CADM2: variants seen among roughly 807,000 people sequenced by gnomAD.
CADM2 encodes immunoglobulin superfamily member 4D.
Under a neutral mutation model 49.8 loss-of-function variants are expected in CADM2, and 12 were observed. The ratio of observed to expected loss-of-function variants is 0.24; its 90% CI spans 0.15 to 0.39. CADM2 has a LOEUF of 0.39. CADM2 is among the 10% of genes least tolerant of loss of function. The probability of loss-of-function intolerance (pLI) is 1.00; values close to 1 mark genes in which losing one functional copy is unlikely to be tolerated. For missense variants in CADM2, 378 were observed against 492.3 expected (o/e 0.77, Z 2.20); for synonymous variants, 214 against 175.4 (o/e 1.22, Z -1.74).
At chr3:86,056,883 T>C (rs988416615) in intron 8 of CADM2, among the ~76,000 whole-genome samples, 1 of 152,116 alleles carries the variant, frequency 6.6e-6, no homozygotes, top group African/African-American at 2.4e-5. Flanking sequence ...GAAAATAAAT[T>C]TGTGTTACAC....
chr3:85,723,269 A>T (rs1260720157), intron 1 of CADM2, among the ~76,000 whole-genome samples: 1 of 152,194 alleles, frequency 6.6e-6, no homozygotes, highest in African/African-American at 2.4e-5. Context: ...AAATGGTGTC[A>T]TATCTAAAAC....
chr3:85,207,352 T>A (rs1425887815), intron 1 of CADM2, among the ~76,000 whole-genome samples: 1 of 152,166 alleles, frequency 6.6e-6, no homozygotes, highest in Non-Finnish European at 1.5e-5. Flanking sequence ...ATTTTTATTT[T>A]TAGAGGTATT....
intron 1 of CADM2, among the ~76,000 whole-genome samples, chr3:85,034,209 G>A (rs9840607): frequency 0.63 from 96,030 of 151,932 alleles, 32,387 homozygotes; most frequent in African/African-American, 0.87. Flanking sequence ...GCTGTCAAAT[G>A]CTAGGTCTTA....
intron 2 of CADM2, chr3:85,800,222 A>C (rs1295471596): frequency 6.6e-6 from 1 of 152,218 alleles, no homozygotes; most frequent in African/African-American, 2.4e-5. Context: ...CAGTAATAGC[A>C]GACACCCCTC....
chr3:85,772,877 T>C (rs2070163126), intron 2 of CADM2, among the ~76,000 whole-genome samples: 1 of 139,518 alleles, frequency 7.2e-6, no homozygotes, highest in Non-Finnish European at 1.6e-5. Context: ...TCTGCTTTCA[T>C]TTCCAGTTTT....
intron 1 of CADM2, among the ~76,000 whole-genome samples, chr3:85,266,846 C>T (rs767220424): frequency 1.3e-5 from 2 of 151,794 alleles, no homozygotes; most frequent in Non-Finnish European, 1.5e-5. Context: ...CTTGACATTG[C>T]TAGTCAACTT....
chr3:85,389,134 T>C (rs2034394571), intron 1 of CADM2, among the ~76,000 whole-genome samples: 1 of 152,066 alleles, frequency 6.6e-6, no homozygotes, highest in African/African-American at 2.4e-5. Flanking sequence ...GTCACTTATG[T>C]GCATTTCTAT....
chr3:84,976,005 C>T (rs2107114666), intron 1 of CADM2, among the ~76,000 whole-genome samples: 1 of 151,864 alleles, frequency 6.6e-6, no homozygotes, highest in Middle Eastern at 3.4e-3. Context: ...GAAAGTTTTC[C>T]TAAGGAGAAT....
At chr3:85,651,963 G>A (rs376540979) in intron 1 of CADM2, among the ~76,000 whole-genome samples, 4 of 140,274 alleles carry the variant, frequency 2.9e-5, no homozygotes, top group South Asian at 4.7e-4. Context: ...GACTACAGGC[G>A]CCTGCCACCA....
At chr3:85,371,044 AT>A (rs1442399259) in intron 1 of CADM2, among the ~76,000 whole-genome samples, 13 of 152,206 alleles carry the variant, frequency 8.5e-5, no homozygotes, top group Admixed American at 6.5e-4. Context: ...GTGTTGTGTT[AT>A]AAGTAAAATG....
intron 1 of CADM2, among the ~76,000 whole-genome samples, chr3:85,449,579 T>G: frequency 6.6e-6 from 1 of 152,212 alleles, no homozygotes; most frequent in East Asian, 1.9e-4. Context: ...TTCTGAGTTT[T>G]ATTTCCTTCT....
intron 1 of CADM2, among the ~76,000 whole-genome samples, chr3:85,571,086 C>G (rs902987313): frequency 6.6e-6 from 1 of 152,182 alleles, no homozygotes; most frequent in African/African-American, 2.4e-5. Context: ...GAGTTCTCCT[C>G]TACTGCATCC....
intron 6 of CADM2, among the ~76,000 whole-genome samples, chr3:85,933,029 TTAAAC>T (rs1720791184): frequency 6.6e-6 from 1 of 152,168 alleles, no homozygotes; most frequent in Non-Finnish European, 1.5e-5. Context: ...CCTGTACTGC[TTAAAC>T]TAAACAGGCA....
intron 1 of CADM2, among the ~76,000 whole-genome samples, chr3:85,343,833 T>G (rs1232456223): frequency 6.6e-6 from 1 of 152,210 alleles, no homozygotes; most frequent in Admixed American, 6.5e-5. Flanking sequence ...TCTTGTTTGT[T>G]TTTACATCTA....
chr3:86,041,241 T>C (rs1050520180), intron 8 of CADM2, among the ~76,000 whole-genome samples: 5 of 152,148 alleles, frequency 3.3e-5, no homozygotes, highest in Admixed American at 6.5e-5. Flanking sequence ...ATATTAATCT[T>C]ACATGTAAAT....
At chr3:85,695,380 G>A (rs937281062) in intron 1 of CADM2, among the ~76,000 whole-genome samples, 1 of 151,844 alleles carries the variant, frequency 6.6e-6, no homozygotes. Flanking sequence ...ACCTTTGTAT[G>A]CCCTTGCTTA....
chr3:85,571,899 G>C (rs2062490545), intron 1 of CADM2, among the ~76,000 whole-genome samples: 1 of 152,142 alleles, frequency 6.6e-6, no homozygotes, highest in African/African-American at 2.4e-5. Flanking sequence ...TTTAGTCATG[G>C]TATACAATGT....
chr3:85,222,605 T>C (rs1255909051), intron 1 of CADM2, among the ~76,000 whole-genome samples: 1 of 152,198 alleles, frequency 6.6e-6, no homozygotes, highest in Non-Finnish European at 1.5e-5. Flanking sequence ...AATCCAGGTA[T>C]CTACTTTTTG....
At chr3:85,519,128 G>A (rs1019767808) in intron 1 of CADM2, among the ~76,000 whole-genome samples, 2 of 151,972 alleles carry the variant, frequency 1.3e-5, no homozygotes, top group Non-Finnish European at 2.9e-5. Flanking sequence ...TTTAGGCAGA[G>A]CATACATTTG....
Sources: allele counts gnomAD v4.1 joint callset (sites outside exome capture counted in the v4.1 genomes callset), GRCh38; gene constraint gnomAD v4.1.1; transcripts MANE v1.5; gene names NCBI Gene and HGNC (gene_info 2026-07-23, HGNC 2026-07-21).